C12orf42: variants seen among roughly 807,000 people sequenced by gnomAD.
The protein encoded by C12orf42 is chromosome 12 open reading frame 42, also known as uncharacterized protein C12orf42.
Under a neutral mutation model 21.6 loss-of-function variants are expected in C12orf42, and 25 were observed. The ratio of observed to expected loss-of-function variants is 1.16; its 90% CI spans 0.84 to 1.62. The LOEUF is 1.62. Ranked by LOEUF, C12orf42 falls within the 40% of genes most tolerant of loss-of-function variation. The probability of loss-of-function intolerance (pLI) is 0.00; values close to 1 mark genes in which losing one functional copy is unlikely to be tolerated. For missense variants in C12orf42, 483 were observed against 459.3 expected (o/e 1.05, Z -0.47); for synonymous variants, 174 against 175.0 (o/e 0.99, Z 0.05).
the C12orf42 span, among the ~76,000 whole-genome samples, chr12:103,210,639 CTTTT>C: frequency 1.0e-4 from 8 of 77,640 alleles, 1 homozygote; most frequent in Non-Finnish European, 1.5e-4. Context: ...CCCTCTATTT[CTTTT>C]TTTTTTTTTT....
chr12:103,441,863 C>T (rs1433198144), intron 2 of C12orf42, among the ~76,000 whole-genome samples: 1 of 152,090 alleles, frequency 6.6e-6, no homozygotes, highest in African/African-American at 2.4e-5. Context: ...AAAATCTAGC[C>T]CCAGCATGGT....
At chr12:103,553,449 A>G in the C12orf42 span, among the ~76,000 whole-genome samples, 1 of 152,172 alleles carries the variant, frequency 6.6e-6, no homozygotes, top group Non-Finnish European at 1.5e-5. Flanking sequence ...GTCTACAAGG[A>G]AGCATTCCAA....
chr12:103,507,532 G>T, the C12orf42 span, among the ~76,000 whole-genome samples: 2 of 150,042 alleles, frequency 1.3e-5, no homozygotes, highest in Admixed American at 6.8e-5. Flanking sequence ...TTTTTTATTT[G>T]TGGGGTGTGG....
At chr12:103,223,282 G>A in the C12orf42 span, among the ~76,000 whole-genome samples, 17 of 152,270 alleles carry the variant, frequency 1.1e-4, no homozygotes, top group African/African-American at 4.1e-4. Flanking sequence ...TAGAGTGGGA[G>A]AGATTAAGCT....
intron 4 of C12orf42, among the ~76,000 whole-genome samples, chr12:103,317,742 TTTAG>T (rs1326581724): frequency 2.6e-5 from 4 of 152,184 alleles, no homozygotes; most frequent in Non-Finnish European, 5.9e-5. Context: ...ATGAACTTCA[TTTAG>T]TTATTTTTTG....
rs567547366 is a variant in C12orf42, at chr12:103,241,427, T to C, written c.*1367-3525A>G. Among the ~76,000 whole-genome samples, 3 of 152,302 alleles carry C rather than the reference T, an allele frequency of 2.0e-5. No individual in the cohort carries two copies. In the East Asian group the frequency reaches 5.8e-4, roughly 29 times the overall value. On this transcript the variant is annotated intron_variant and NMD_transcript_variant, in intron 10 of 10. Coordinates refer to the C12orf42 transcript ENST00000547347. ...AGTAACCACGTCCGGTGGCTGCACC[T>C]GCCATTTGGACCACTCTCCATGGGC...
the C12orf42 span, among the ~76,000 whole-genome samples, chr12:103,084,711 T>C: frequency 2.0e-5 from 3 of 152,210 alleles, no homozygotes; most frequent in South Asian, 6.2e-4. Context: ...CACTAGCTTG[T>C]TTCTTTTGGA....
intron 2 of C12orf42, among the ~76,000 whole-genome samples, chr12:103,464,395 C>G (rs1471181451): frequency 7.2e-6 from 1 of 138,002 alleles, no homozygotes; most frequent in Non-Finnish European, 1.5e-5. Flanking sequence ...CTGTTCATGT[C>G]TTTGCACACT....
intron 4 of C12orf42, among the ~76,000 whole-genome samples, chr12:103,363,198 C>A (rs2044270186): frequency 6.6e-6 from 1 of 152,088 alleles, no homozygotes; most frequent in African/African-American, 2.4e-5. Context: ...TTTCTTCAGC[C>A]TCCCTAAACA....
the C12orf42 span, among the ~76,000 whole-genome samples, chr12:103,510,617 C>T: frequency 2.0e-5 from 3 of 152,258 alleles, no homozygotes; most frequent in South Asian, 2.1e-4. Flanking sequence ...AATTCTGCCA[C>T]GGAGATATAA....
At chr12:103,165,868 C>G in the C12orf42 span, among the ~76,000 whole-genome samples, 7 of 152,130 alleles carry the variant, frequency 4.6e-5, no homozygotes, top group African/African-American at 1.7e-4. Flanking sequence ...TGGTGAAACC[C>G]CATCTCTACT....
chr12:103,277,119 C>T (rs574551498), intron 5 of C12orf42: 10 of 455,566 alleles, frequency 2.2e-5, no homozygotes, highest in South Asian at 4.7e-5. Context: ...CAACAACTTA[C>T]GCTAGCAAAA....
chr12:103,506,859 T>A, the C12orf42 span, among the ~76,000 whole-genome samples: 161 of 66,216 alleles, frequency 2.4e-3, no homozygotes, highest in East Asian at 6.2e-3. Flanking sequence ...ATTTATATAT[T>A]ATATATATAT....
intron 3 of C12orf42, among the ~76,000 whole-genome samples, chr12:103,373,518 A>T (rs781567772): frequency 3.3e-5 from 5 of 152,196 alleles, no homozygotes; most frequent in Non-Finnish European, 5.9e-5. Context: ...TAAGTACAGT[A>T]GCCAATGAAG....
chr12:103,395,339 T>C (rs1449387030), intron 3 of C12orf42, among the ~76,000 whole-genome samples: 1 of 149,826 alleles, frequency 6.7e-6, no homozygotes, highest in Admixed American at 6.6e-5. Context: ...CATTATTCTT[T>C]TTTTTTTTTT....
chr12:103,115,141 T>C, the C12orf42 span, among the ~76,000 whole-genome samples: 2 of 152,346 alleles, frequency 1.3e-5, no homozygotes, highest in East Asian at 3.9e-4. Flanking sequence ...AATCTCTAAA[T>C]ATTTTCAAAA....
the C12orf42 span, among the ~76,000 whole-genome samples, chr12:103,055,179 A>G: frequency 6.6e-6 from 1 of 151,958 alleles, no homozygotes; most frequent in South Asian, 2.1e-4. Context: ...AGAATTCTCC[A>G]GTGAAATCAT....
At chr12:103,099,140 C>G in the C12orf42 span, among the ~76,000 whole-genome samples, 1 of 152,178 alleles carries the variant, frequency 6.6e-6, no homozygotes. Flanking sequence ...TATCCTAAAG[C>G]TCCACATTTG....
chr12:103,258,838 A>G (rs1363762860), intron 10 of C12orf42, among the ~76,000 whole-genome samples: 1 of 152,214 alleles, frequency 6.6e-6, no homozygotes, highest in Non-Finnish European at 1.5e-5. Flanking sequence ...AAATAAGTGG[A>G]GAATTATACT....
Sources: allele counts gnomAD v4.1 joint callset (sites outside exome capture counted in the v4.1 genomes callset), GRCh38; gene constraint gnomAD v4.1.1; transcripts MANE v1.5; gene names NCBI Gene and HGNC (gene_info 2026-07-23, HGNC 2026-07-21).